CDK17: variants seen among roughly 807,000 people sequenced by gnomAD.
CDK17 encodes the protein cyclin dependent kinase 17.
A neutral mutation model predicts 77.6 loss-of-function variants in CDK17; 24 were observed. The ratio of observed to expected loss-of-function variants is 0.31; its 90% confidence interval spans 0.22 to 0.44. The LOEUF (loss-of-function observed/expected upper bound fraction) is 0.44, where lower values mean the gene tolerates loss of function less well. Among genes scored for constraint, CDK17 ranks in the 20% least tolerant of loss-of-function variants. The pLI is 1.00. For synonymous variants in CDK17, 203 were observed against 210.4 expected, an observed-to-expected ratio of 0.96 and a Z score of 0.30; for missense variants, 429 against 622.5, an observed-to-expected ratio of 0.69 and a Z score of 3.31.
intron 1 of CDK17, among the ~76,000 whole-genome samples, chr12:96,389,974 C>A (rs943998924): frequency 6.0e-5 from 9 of 151,222 alleles, no homozygotes; most frequent in African/African-American, 2.2e-4. Context: ...GAATTACAGG[C>A]ATGCACCACC....
intron 3 of CDK17, among the ~76,000 whole-genome samples, chr12:96,320,235 G>A (rs1952797361): frequency 6.8e-6 from 1 of 146,812 alleles, no homozygotes; most frequent in Non-Finnish European, 1.5e-5. Context: ...AAATACCTAG[G>A]AATCCAACTT....
At chr12:96,390,617 G>A (rs1194079700) in intron 1 of CDK17, among the ~76,000 whole-genome samples, 2 of 148,238 alleles carry the variant, frequency 1.3e-5, no homozygotes, top group Non-Finnish European at 3.0e-5. Context: ...GGTGAGGCAG[G>A]AGAATCGCCT....
At chr12:96,322,133 C>T (rs571243724) in intron 3 of CDK17, among the ~76,000 whole-genome samples, 37 of 152,206 alleles carry the variant, frequency 2.4e-4, no homozygotes, top group African/African-American at 8.2e-4. Flanking sequence ...GACTACCAGT[C>T]GGTATTTTCA....
chr12:96,316,998 C>T (rs1952739589), intron 3 of CDK17, among the ~76,000 whole-genome samples: 2 of 145,688 alleles, frequency 1.4e-5, no homozygotes, highest in Non-Finnish European at 3.0e-5. Context: ...TTCAGACGAT[C>T]AAATTACTCT....
chr12:96,324,834 A>G (rs375176477), intron 2 of CDK17, among the ~76,000 whole-genome samples: 14 of 152,260 alleles, frequency 9.2e-5, no homozygotes, highest in African/African-American at 3.4e-4. Context: ...GCCTAAAGGA[A>G]TTTACATCCC....
intron 13 of CDK17, among the ~76,000 whole-genome samples, chr12:96,285,453 G>A (rs1000968598): frequency 1.7e-4 from 26 of 152,108 alleles, no homozygotes; most frequent in Non-Finnish European, 2.4e-4. Context: ...GGGGGGGTTG[G>A]GGGCAGGGAG....
chr12:96,378,469 C>G lies in CDK17; in HGVS notation c.-30+21517G>C, dbSNP rs182008420. ...TGATCTTACAGTTTTATTAGCTGCC[C>G]CAGTCCTAGAATCAGCCATTTCTCC... On this transcript the variant is annotated intron_variant, in intron 1 of 16. Transcript: ENST00000261211. Among the ~76,000 whole-genome samples, 8 of 152,226 alleles carry G rather than the reference C, an allele frequency of 5.3e-5. No homozygotes were observed. In the East Asian group the frequency reaches 1.5e-3, roughly 29 times the overall value.
Position 96,282,327 on chromosome 12 carries a change from C to T in CDK17, c.1456+182G>A, listed in dbSNP as rs971474065. 19 of 548,304 alleles carry T rather than the reference C, an allele frequency of 3.5e-5. No homozygotes were observed. The Admixed American group carries it at 5.7e-4, about 17-fold the overall frequency. 34.0% of individuals were successfully genotyped at this position (548,304 alleles called of 1,614,324 possible). ...AGGAGTGACAATGTGCTCAGTGTTA[C>T]AAGAAATAACTGAATCATAGGGAAA... On this transcript the variant is annotated intron_variant, in intron 15 of 16. Transcript: ENST00000261211.
At chr12:96,366,992 G>A (rs1953595374) in intron 1 of CDK17, among the ~76,000 whole-genome samples, 1 of 151,926 alleles carries the variant, frequency 6.6e-6, no homozygotes, top group East Asian at 1.9e-4. Context: ...CTGTAACTCA[G>A]TATGTCCTCC....
chr12:96,369,966 C>A (rs1953664340), intron 1 of CDK17, among the ~76,000 whole-genome samples: 1 of 152,102 alleles, frequency 6.6e-6, no homozygotes, highest in South Asian at 2.1e-4. Context: ...GGATATTTTG[C>A]TATTTTTGTT....
intron 10 of CDK17, among the ~76,000 whole-genome samples, chr12:96,291,628 C>CTTTTTTTTTTT (rs1164677307): frequency 8.5e-6 from 1 of 117,774 alleles, no homozygotes; most frequent in African/African-American, 3.1e-5. Context: ...ATTCCTTTTG[C>CTTTTTTTTTTT]TTTTTTTTTT....
At chr12:96,346,609 C>T (rs190724634) in intron 1 of CDK17, among the ~76,000 whole-genome samples, 38 of 146,924 alleles carry the variant, frequency 2.6e-4, no homozygotes, top group East Asian at 1.0e-3. Context: ...GCCTGGGCAA[C>T]AAGAGCAAAA....
intron 1 of CDK17, among the ~76,000 whole-genome samples, chr12:96,374,429 C>G (rs1953746101): frequency 6.6e-6 from 1 of 152,196 alleles, no homozygotes; most frequent in Admixed American, 6.5e-5. Context: ...CTTTTCAGCT[C>G]CATCTCCAGA....
intron 5 of CDK17, among the ~76,000 whole-genome samples, chr12:96,304,648 C>T (rs1284051673): frequency 6.6e-6 from 1 of 152,188 alleles, no homozygotes; most frequent in Non-Finnish European, 1.5e-5. Context: ...TGTTTTATCC[C>T]TTAGACTTGG....
intron 1 of CDK17, among the ~76,000 whole-genome samples, chr12:96,372,019 G>A (rs1953703855): frequency 6.6e-6 from 1 of 152,140 alleles, no homozygotes; most frequent in East Asian, 1.9e-4. Flanking sequence ...GTTTGTGTGT[G>A]TGTGTGTGTG....
chr12:96,302,333 C>T (rs968198423), intron 5 of CDK17, among the ~76,000 whole-genome samples: 2 of 146,658 alleles, frequency 1.4e-5, no homozygotes, highest in African/African-American at 5.0e-5. Flanking sequence ...TTTTATATAG[C>T]CTATTTATAT....
At chr12:96,333,700 C>A (rs1953002693) in intron 2 of CDK17, among the ~76,000 whole-genome samples, 2 of 149,788 alleles carry the variant, frequency 1.3e-5, no homozygotes, top group African/African-American at 4.9e-5. Flanking sequence ...TAGATGTTAT[C>A]AAGGAAAACC....
rs866711812 is a variant in CDK17 at position 96,283,517 on chromosome 12, C to T, written c.1365+86G>A. 155 of 761,478 alleles carry T rather than the reference C, an allele frequency of 2.0e-4. 1 individual carries two copies. Among genetic ancestry groups the T allele is most frequent in the African/African-American group, 1.9e-3 (106 of 55,830 alleles). 47.2% of individuals were successfully genotyped at this position (761,478 alleles called of 1,614,324 possible). A position where few individuals can be genotyped will look rare whatever the true frequency, so the allele number is the denominator to read the frequency against. ...TAATTTTATTTGTCATTAACAATAC[C>T]GAGGAAGTACTACTGAGCCCATTCT... On this transcript the variant is annotated intron_variant, in intron 14 of 16. Transcript: ENST00000261211.
chr12:96,310,963 T>C, intron 5 of CDK17, 89 bp downstream of exon 5: 3 of 1,329,552 alleles, frequency 2.3e-6, no homozygotes, highest in South Asian at 1.5e-5. Flanking sequence ...TAAAGTCAAG[T>C]ATAAAAATTA....
Sources: allele counts gnomAD v4.1 joint callset (sites outside exome capture counted in the v4.1 genomes callset), GRCh38; gene constraint gnomAD v4.1.1; transcripts MANE v1.5; gene names NCBI Gene and HGNC (gene_info 2026-07-23, HGNC 2026-07-21).